Variants in TOX2 observed in about 807,000 individuals in gnomAD.
TOX2 encodes the protein TOX high mobility group box family member 2, also known as granulosa cell HMG box 1.
Under a neutral mutation model 47.4 loss-of-function variants are expected in TOX2, and 15 were observed. The observed-to-expected ratio is 0.32, with a 90% confidence interval of 0.21 to 0.49. The LOEUF (loss-of-function observed/expected upper bound fraction) is 0.49. TOX2 is among the 20% of genes least tolerant of loss of function. The pLI is 0.99. For synonymous variants in TOX2, 290 were observed against 296.6 expected (o/e 0.98, Z 0.23); for missense variants, 622 against 673.1 (o/e 0.92, Z 0.84).
At chr20:43,989,728 C>T (rs899074999) in intron 2 of TOX2, among the ~76,000 whole-genome samples, 3 of 149,510 alleles carry the variant, frequency 2.0e-5, no homozygotes, top group Non-Finnish European at 4.4e-5. Context: ...TACAGTGAGG[C>T]GAGATCACGC....
chr20:44,048,388 T>TTATACA (rs2071448695), intron 3 of TOX2, among the ~76,000 whole-genome samples: 1 of 86,872 alleles, frequency 1.2e-5, no homozygotes, highest in Admixed American at 1.2e-4. Flanking sequence ...TAAAATGAAT[T>TTATACA]TATATATATA....
intron 1 of TOX2, among the ~76,000 whole-genome samples, chr20:43,925,867 G>A (rs924358262): frequency 8.5e-5 from 13 of 152,208 alleles, no homozygotes; most frequent in African/African-American, 3.1e-4. Flanking sequence ...TCAAGTAACA[G>A]AAGGGTGGCA....
At chr20:44,041,340 G>A (rs2071328162) in intron 3 of TOX2, among the ~76,000 whole-genome samples, 1 of 152,212 alleles carries the variant, frequency 6.6e-6, no homozygotes. Context: ...CAGAAGCATG[G>A]TAAAGGGGGC....
chr20:43,971,024 T>C (rs1185356585), intron 1 of TOX2, among the ~76,000 whole-genome samples: 1 of 152,218 alleles, frequency 6.6e-6, no homozygotes, highest in Non-Finnish European at 1.5e-5. Flanking sequence ...CATCCAGTAG[T>C]CACCAAGGGA....
At chr20:44,053,439 T>TATATATATAC (rs373458500) in intron 4 of TOX2, among the ~76,000 whole-genome samples, 32 of 143,146 alleles carry the variant, frequency 2.2e-4, no homozygotes, top group African/African-American at 7.7e-4. Flanking sequence ...GGCAGATATA[T>TATATATATAC]ACACACACAC....
intron 1 of TOX2, among the ~76,000 whole-genome samples, chr20:43,960,987 G>A (rs2069748975): frequency 1.3e-5 from 2 of 152,396 alleles, no homozygotes; most frequent in South Asian, 2.1e-4. Flanking sequence ...CACACAGTGA[G>A]TGGTGCCTGT....
intron 1 of TOX2, among the ~76,000 whole-genome samples, chr20:43,919,791 A>G (rs924484732): frequency 1.3e-5 from 2 of 152,046 alleles, no homozygotes; most frequent in African/African-American, 2.4e-5. Flanking sequence ...TTCTGTTCCT[A>G]TGTTAATTTG....
Position 44,069,008 on chromosome 20 carries a change from C to T in TOX2, c.*322C>T, listed in dbSNP as rs1395790966. On this transcript the variant is annotated 3_prime_UTR_variant, in exon 9 of 9. Coordinates refer to ENST00000341197, the MANE Select transcript of TOX2 (RefSeq NM_001098797.2). ...ACCCGGCCCCAGCTCCAGCCCCAGC[C>T]CAGGTGGGCCGCCCCTGGCGGGGTC... 4.1e-6 allele frequency: 2 copies of T among 484,566 alleles called. No homozygotes were observed. Among genetic ancestry groups the T allele is most frequent in the Non-Finnish European group, 8.0e-6 (2 of 250,660 alleles). 30.0% of individuals were successfully genotyped at this position (484,566 alleles called of 1,614,324 possible). A position where few individuals can be genotyped will look rare whatever the true frequency, so the allele number is the denominator to read the frequency against.
chr20:44,049,277 T>C (rs1419990505), intron 3 of TOX2, among the ~76,000 whole-genome samples: 1 of 152,236 alleles, frequency 6.6e-6, no homozygotes, highest in Non-Finnish European at 1.5e-5. Flanking sequence ...AAAAATATAC[T>C]GCTGTATTCA....
intron 1 of TOX2, among the ~76,000 whole-genome samples, chr20:43,969,592 C>A (rs2069926117): frequency 6.6e-6 from 1 of 152,248 alleles, no homozygotes; most frequent in African/African-American, 2.4e-5. Context: ...ACTATTCCTT[C>A]ATGCCCTCCA....
Position 44,056,379 on chromosome 20 carries a change from G to A in TOX2, c.879+1853G>A, listed in dbSNP as rs1030824507. Among the ~76,000 whole-genome samples the A allele has an allele frequency of 1.4e-4, 22 of 152,304 alleles. No homozygotes were observed. The East Asian group carries it at 2.7e-3, about 19-fold the overall frequency. ...TCTGTCATTTTCACTTGTGTGTTTC[G>A]TTGGCAACCAATTCCCTTTCAAAAG... On this transcript the variant is annotated intron_variant, in intron 5 of 8. Coordinates refer to ENST00000341197, the MANE Select transcript of TOX2 (RefSeq NM_001098797.2).
At chr20:44,055,446 A>C (rs2071599543) in intron 5 of TOX2, among the ~76,000 whole-genome samples, 1 of 152,150 alleles carries the variant, frequency 6.6e-6, no homozygotes, top group East Asian at 1.9e-4. Context: ...CTGGTAAGGA[A>C]GGAGGCTGGA....
intron 2 of TOX2, among the ~76,000 whole-genome samples, chr20:43,998,207 A>T (rs919207280): frequency 2.6e-4 from 40 of 152,226 alleles, no homozygotes; most frequent in Admixed American, 2.6e-3. Context: ...TCACGAGAAC[A>T]GCAAGGGGGA....
chr20:44,051,258 G>A (rs1326398331), intron 3 of TOX2, 48 bp from the exon 4 acceptor site: 1 of 1,551,848 alleles, frequency 6.4e-7, no homozygotes, highest in South Asian at 1.2e-5. Context: ...GTGATGGAGT[G>A]GCAGGACAGA....
intron 2 of TOX2, among the ~76,000 whole-genome samples, chr20:44,002,066 G>A (rs1040616447): frequency 2.0e-5 from 3 of 152,122 alleles, no homozygotes; most frequent in Non-Finnish European, 4.4e-5. Context: ...GCTGGGGGCC[G>A]ATTGCCTTTA....
At chr20:44,040,548 T>A (rs2071314972) in intron 3 of TOX2, among the ~76,000 whole-genome samples, 1 of 152,150 alleles carries the variant, frequency 6.6e-6, no homozygotes, top group Non-Finnish European at 1.5e-5. Context: ...TATGGGCAAG[T>A]CTCTTGGCCT....
At chr20:44,001,018 G>A (rs2070571044) in intron 2 of TOX2, among the ~76,000 whole-genome samples, 1 of 152,168 alleles carries the variant, frequency 6.6e-6, no homozygotes, top group Non-Finnish European at 1.5e-5. Context: ...CATGATTGGA[G>A]TGGGTTTAAG....
At chr20:43,941,783 T>G (rs2069406190) in intron 1 of TOX2, among the ~76,000 whole-genome samples, 1 of 152,202 alleles carries the variant, frequency 6.6e-6, no homozygotes, top group African/African-American at 2.4e-5. Context: ...CTCCTTGCCC[T>G]GGAGGAAGCA....
intron 5 of TOX2, among the ~76,000 whole-genome samples, chr20:44,057,310 T>C (rs1216190523): frequency 6.6e-6 from 1 of 152,224 alleles, no homozygotes; most frequent in Non-Finnish European, 1.5e-5. Flanking sequence ...AAAAAAGAGA[T>C]GTTCAGCAAT....
Sources: allele counts gnomAD v4.1 joint callset (sites outside exome capture counted in the v4.1 genomes callset), GRCh38; gene constraint gnomAD v4.1.1; transcripts MANE v1.5; gene names NCBI Gene and HGNC (gene_info 2026-07-23, HGNC 2026-07-21).